PIGO: variants seen among roughly 807,000 people sequenced by gnomAD.
PIGO encodes the protein GPI ethanolamine phosphate transferase 3, catalytic subunit.
A neutral mutation model predicts 86.9 loss-of-function variants in PIGO; 66 were observed. That is an observed-to-expected ratio of 0.76 (90% CI 0.62 to 0.93). The LOEUF is 0.93. Ranked by LOEUF, PIGO falls within the 40% of genes least tolerant of loss-of-function variation. The pLI is 0.00. For synonymous variants in PIGO, 570 were observed against 556.4 expected (o/e 1.02, Z -0.34); for missense variants, 1,202 against 1,359.1 (o/e 0.88, Z 1.82).
Position 35,090,281 on chromosome 9 carries a change from C to T in PIGO, c.2855-1G>A. ...CAGAGCAGGAGCAGTGGGCAACCTA[C>T]TGCCTCAAGAGAGGGTATGGCTGGA... is the stretch of plus-strand genomic sequence containing the variant. On this transcript the variant is annotated splice_acceptor_variant, in intron 8 of 10. Coordinates refer to ENST00000378617, the MANE Select transcript of PIGO (RefSeq NM_032634.4). LOFTEE classifies it high-confidence loss of function. 6.2e-7 allele frequency: 1 copy of T among 1,613,022 alleles called. No homozygotes were observed. Among genetic ancestry groups the T allele is most frequent in the Non-Finnish European group, 8.5e-7 (1 of 1,179,296 alleles).
intron 2 of PIGO, 108 bp downstream of exon 2, chr9:35,094,947 C>T: frequency 6.3e-6 from 9 of 1,421,586 alleles, no homozygotes; most frequent in East Asian, 2.3e-5. Context: ...TGTCCCCCTA[C>T]ACCATAATCA....
Position 35,091,586 on chromosome 9 carries a change from C to T in PIGO, c.2301G>A (p.Val767=). The change falls in exon 7 of 11, where the codon GTG becomes GTA. Residue 767 remains valine (V), a synonymous_variant. Coordinates refer to ENST00000378617, the MANE Select transcript of PIGO (RefSeq NM_032634.4). ...LLLWKPVTVL[V]KAGAGAPRTR... is the part of the protein sequence containing the mutation. The stretch of plus-strand genomic sequence containing the variant: ...TCCTTGGAGCGCCTGCCCCAGCCTT[C>T]ACCAGCACTGTCACAGGCTTCCAGA... 1 of 1,613,996 alleles carries T rather than the reference C, an allele frequency of 6.2e-7. No individual in the cohort carries two copies. Among genetic ancestry groups the T allele is most frequent in the Non-Finnish European group, 8.5e-7 (1 of 1,180,028 alleles).
In PIGO at chr9:35,092,466, G is replaced by T; in HGVS notation, c.1421C>A (p.Ser474Tyr). Residue 474 changes from serine to tyrosine, a missense_variant, in exon 7 of 11, where the codon TCC becomes TAC. Transcript: ENST00000378617. ...TAGAGGGCAGAATGGAAAGCCTGGG[G>T]ATATTGCCCACTGAGATGCCAGCAG... Reference protein sequence around the residue: ...ICLLASQWAISPGFPFCPLLL... With the variant: ...ICLLASQWAIYPGFPFCPLLL... 1 of 1,614,220 alleles carries T rather than the reference G, an allele frequency of 6.2e-7. No homozygotes were observed. Among genetic ancestry groups the T allele is most frequent in the East Asian group, 2.2e-5 (1 of 44,884 alleles).
At chr9:35,089,473 A>G (rs778984477) in intron 9 of PIGO, 23 bp from the exon 10 acceptor site, 1 of 1,614,060 alleles carries the variant, frequency 6.2e-7, no homozygotes, top group Non-Finnish European at 8.5e-7. Flanking sequence ...AGGAGGGGCC[A>G]CGTTACTTGT....
Position 35,089,932 on chromosome 9 carries a change from C to T in PIGO, c.3069+134G>A, listed in dbSNP as rs192547597. 1.2e-5 allele frequency: 18 copies of T among 1,448,550 alleles called. No homozygotes were observed. The East Asian group carries it at 3.6e-4, about 29-fold the overall frequency. 89.7% of individuals were successfully genotyped at this position (1,448,550 alleles called of 1,614,324 possible). ...AAGTCTCAGAACTGCCATTTGAGGC[C>T]ACTGGGCTTGGGCAACCACTTCACT... On this transcript the variant is annotated intron_variant, in intron 9 of 10. Transcript: ENST00000378617.
In PIGO at chr9:35,096,137, G is replaced by A. The variant is rs921343898; in HGVS notation, c.-2+18C>T. On this transcript the variant is annotated intron_variant, in intron 1 of 10. Coordinates refer to ENST00000378617, the MANE Select transcript of PIGO (RefSeq NM_032634.4). ...TCAGGAGGGAAACTTATTCCAATTG[G>A]TAGTCAGGCTCTCTTACACGCCGTT... is the stretch of plus-strand genomic sequence containing the variant. 1.1e-4 allele frequency: 16 copies of A among 152,300 alleles called. No individual in the cohort carries two copies. Among genetic ancestry groups the A allele is most frequent in the Admixed American group, 6.5e-4 (10 of 15,310 alleles). 9.4% of individuals were successfully genotyped at this position (152,300 alleles called of 1,614,324 possible).
At position 35,092,530 on chromosome 9, in the gene PIGO, C is replaced by T; in HGVS notation, c.1357G>A (p.Gly453Arg). Residue 453 changes from glycine (G) to arginine (R), a missense_variant, in exon 7 of 11, where the codon GGG becomes AGG. Coordinates refer to ENST00000378617, the MANE Select transcript of PIGO (RefSeq NM_032634.4). ...WARFSLVRMA[G>R]GTALLAASCF... ...GAAGCAGCCAAGAGAGCAGTACCCC[C>T]CGCCATGCGGACCAGAGAGAAACGA... The T allele has an allele frequency of 6.2e-7, 1 of 1,614,204 alleles. No individual in the cohort carries two copies. The highest frequency in any genetic ancestry group is 1.3e-5 in the African/African-American group (1 of 75,064).
At position 35,092,502 on chromosome 9, in the gene PIGO, C is replaced by T; in HGVS notation, c.1385G>A (p.Cys462Tyr). ...AGGTALLAAS[C>Y]FICLLASQWA... ...CTGAGATGCCAGCAGGCAGATAAAG[C>T]AGGAAGCAGCCAAGAGAGCAGTACC... Residue 462 changes from cysteine (C) to tyrosine (Y), a missense_variant, in exon 7 of 11, where the codon TGC becomes TAC. Cys to Tyr is a radical substitution (Grantham distance 194). Coordinates refer to ENST00000378617, the MANE Select transcript of PIGO (RefSeq NM_032634.4). The T allele has an allele frequency of 6.2e-7, 1 of 1,614,188 alleles. No homozygotes were observed. Among genetic ancestry groups the T allele is most frequent in the Non-Finnish European group, 8.5e-7 (1 of 1,180,002 alleles).
rs772388470 is a variant in PIGO, at chr9:35,092,066, A to G, written c.1821T>C (p.Thr607=). 1 of 1,614,226 alleles carries G rather than the reference A, an allele frequency of 6.2e-7. No homozygotes were observed. Among genetic ancestry groups the G allele is most frequent in the East Asian group, 2.2e-5 (1 of 44,884 alleles). ...PKLLTMPRLG[T]SATTNPPRHN... is the part of the protein sequence containing the mutation. ...GCCGTGGGGGGTTTGTTGTGGCTGAAGTGCCAAGGCGGGGCATTGTGAGTA... is the reference window on the plus strand; with the variant it reads ...GCCGTGGGGGGTTTGTTGTGGCTGAGGTGCCAAGGCGGGGCATTGTGAGTA... The change falls in exon 7 of 11, where the codon ACT becomes ACC. Residue 607 remains threonine, a synonymous_variant. Transcript: ENST00000378617.
rs1440546378 is a variant in PIGO, at chr9:35,091,595, T to C, written c.2292A>G (p.Thr764=). 4 of 1,613,918 alleles carry C rather than the reference T, an allele frequency of 2.5e-6. No individual in the cohort carries two copies. The highest frequency in any genetic ancestry group is 2.5e-6 in the Non-Finnish European group (3 of 1,180,012). Residue 764 remains threonine (T), a synonymous_variant, in exon 7 of 11, where the codon ACA becomes ACG. Coordinates refer to ENST00000378617, the MANE Select transcript of PIGO (RefSeq NM_032634.4). ...GLALLLWKPV[T]VLVKAGAGAP... ...CGCCTGCCCCAGCCTTCACCAGCACTGTCACAGGCTTCCAGAGCAGCAGCG... is the reference window on the plus strand; with the variant it reads ...CGCCTGCCCCAGCCTTCACCAGCACCGTCACAGGCTTCCAGAGCAGCAGCG...
chr9:35,088,885 G>A lies in PIGO; in HGVS notation c.*207C>T. 1.5e-6 allele frequency: 1 copy of A among 663,620 alleles called. No individual in the cohort carries two copies. Among genetic ancestry groups the A allele is most frequent in the Non-Finnish European group, 2.4e-6 (1 of 409,156 alleles). The allele number at this position is 663,620 out of a possible 1,614,324, so 41.1% of individuals were successfully genotyped here. ...CGGAGACCGCCCCCCTTGTCCCTCA[G>A]ATGCATCCAAATCAGGAGTTAGGGA... On this transcript the variant is annotated 3_prime_UTR_variant, in exon 11 of 11. Coordinates refer to ENST00000378617, the MANE Select transcript of PIGO (RefSeq NM_032634.4).
Position 35,092,730 on chromosome 9 carries a change from T to C in PIGO, c.1157A>G (p.Gln386Arg), listed in dbSNP as rs1198639243. ...ATGAAGCTCCTTAGCTTGAAGGTCCTGAGTAGCAGCTGAGTAGGTATGAAG... is the reference window on the plus strand; with the variant it reads ...ATGAAGCTCCTTAGCTTGAAGGTCCCGAGTAGCAGCTGAGTAGGTATGAAG... ...RFLHTYSAATQDLQAKELHQL... is the reference protein window; with the variant it reads ...RFLHTYSAATRDLQAKELHQL... Residue 386 changes from glutamine (Q) to arginine (R), a missense_variant, in exon 7 of 11, where the codon CAG becomes CGG. Transcript: ENST00000378617. 1.2e-6 allele frequency: 2 copies of C among 1,612,578 alleles called. No individual in the cohort carries two copies. Among genetic ancestry groups the C allele is most frequent in the South Asian group, 1.1e-5 (1 of 90,950 alleles).
chr9:35,095,120 G>T lies in PIGO; in HGVS notation c.446C>A (p.Ala149Asp). 6.2e-7 allele frequency: 1 copy of T among 1,614,008 alleles called. No individual in the cohort carries two copies. The highest frequency in any genetic ancestry group is 8.5e-7 in the Non-Finnish European group (1 of 1,179,958). ...GGCGTGGCTGGCGAAGTTACTACCA[G>T]CATCAATAAAGGTAGGCAGTGAGCC... ...TTGSLPTFID[A>D]GSNFASHAIV... Residue 149 changes from alanine (A) to aspartate (D), a missense_variant, in exon 2 of 11, where the codon GCT becomes GAT. Transcript: ENST00000378617.
At position 35,091,600 on chromosome 9, in the gene PIGO, C is replaced by A. The variant is rs146576650; in HGVS notation, c.2287G>T (p.Val763Leu). The A allele has an allele frequency of 3.2e-4, 513 of 1,613,746 alleles. No individual in the cohort carries two copies. The highest frequency in any genetic ancestry group is 4.3e-4 in the Non-Finnish European group (504 of 1,180,040). ...GCCCCAGCCTTCACCAGCACTGTCA[C>A]AGGCTTCCAGAGCAGCAGCGCGAGC... Reference protein sequence around the residue: ...SGLALLLWKPVTVLVKAGAGA... With the variant: ...SGLALLLWKPLTVLVKAGAGA... The change falls in exon 7 of 11, where the codon GTG becomes TTG. Residue 763 changes from valine (V) to leucine (L), a missense_variant. Val to Leu is a conservative substitution (Grantham distance 32, BLOSUM62 1). Transcript: ENST00000378617.
intron 3 of PIGO, 76 bp from the exon 4 acceptor site, chr9:35,094,100 A>G (rs1351423509): frequency 1.9e-6 from 3 of 1,573,050 alleles, no homozygotes; most frequent in Non-Finnish European, 2.6e-6. Flanking sequence ...ACACTCCTCT[A>G]TGTCCAGGGA....
At position 35,092,206 on chromosome 9, in the gene PIGO, A is replaced by C; in HGVS notation, c.1681T>G (p.Phe561Val). The part of the protein sequence containing the change: ...LLLLFRLAVF[F>V]SDSFVVAEAR... ...TCAGCTACAACAAAACTATCAGAGA[A>C]GAACACAGCCAAGCGAAACAGCAGG... is the stretch of plus-strand genomic sequence containing the variant. Residue 561 changes from phenylalanine (F) to valine (V), a missense_variant, in exon 7 of 11, where the codon TTC (phenylalanine) becomes GTC (valine). Transcript: ENST00000378617. The C allele has an allele frequency of 6.2e-7, 1 of 1,614,240 alleles. No homozygotes were observed. The highest frequency in any genetic ancestry group is 8.5e-7 in the Non-Finnish European group (1 of 1,180,046).
intron 3 of PIGO, 83 bp downstream of exon 3, chr9:35,094,133 C>G (rs1829561948): frequency 1.3e-6 from 2 of 1,557,972 alleles, no homozygotes; most frequent in Non-Finnish European, 1.7e-6. Context: ...CTGTTACACC[C>G]ATAGGTGGCT....
Position 35,091,157 on chromosome 9 carries a change from G to A in PIGO, c.2647+83C>T, listed in dbSNP as rs2240113. ...GACCCTCTGTCAAGCTCAGGAACATGAGGAGCAACACCTCCTTGAAAACAA... is the reference window on the plus strand; with the variant it reads ...GACCCTCTGTCAAGCTCAGGAACATAAGGAGCAACACCTCCTTGAAAACAA... On this transcript the variant is annotated intron_variant, in intron 7 of 10. Transcript: ENST00000378617. 13,266 of 1,417,220 alleles carry A rather than the reference G, an allele frequency of 9.4e-3. 436 individuals carry two copies. The highest frequency in any genetic ancestry group is 0.077 in the African/African-American group (5,364 of 69,814). 87.8% of individuals were successfully genotyped at this position (1,417,220 alleles called of 1,614,324 possible).
chr9:35,093,824 A>G, intron 4 of PIGO, 77 bp downstream of exon 4: 1 of 1,568,650 alleles, frequency 6.4e-7, no homozygotes, highest in Non-Finnish European at 8.6e-7. Context: ...TTCAGCCAGG[A>G]AAGAAGCTCT....
Sources: allele counts gnomAD v4.1 joint callset, GRCh38; gene constraint gnomAD v4.1.1; transcripts MANE v1.5; gene names NCBI Gene and HGNC (gene_info 2026-07-23, HGNC 2026-07-21).